The following TPM3 variants were observed in gnomAD, a reference collection of about 807,000 sequenced individuals.
The protein encoded by TPM3 is tropomyosin alpha-3 chain.
Under a neutral mutation model 43.1 loss-of-function variants are expected in TPM3, and 16 were observed. The ratio of observed to expected loss-of-function variants is 0.37; its 90% confidence interval spans 0.25 to 0.56. The LOEUF (loss-of-function observed/expected upper bound fraction) is 0.56, where lower values mean the gene tolerates loss of function less well. TPM3 is among the 20% of genes least tolerant of loss of function. The pLI is 0.77. For missense variants in TPM3, 176 were observed against 337.2 expected (o/e 0.52, Z 3.74); for synonymous variants, 101 against 116.9 (o/e 0.86, Z 0.88).
chr1:154,173,602 T>C (rs1212899568), intron 3 of TPM3, among the ~76,000 whole-genome samples: 1 of 149,618 alleles, frequency 6.7e-6, no homozygotes. Context: ...AGGTGGAGGT[T>C]GCGGTGAGCC....
chr1:154,166,613 C>T lies in TPM3; in HGVS notation c.*1324G>A. The T allele has an allele frequency of 1.9e-6, 2 of 1,044,136 alleles. No homozygotes were observed. Among genetic ancestry groups the T allele is most frequent in the Non-Finnish European group, 2.3e-6 (2 of 866,086 alleles). 64.7% of individuals were successfully genotyped at this position (1,044,136 alleles called of 1,614,324 possible). A position where few individuals can be genotyped will look rare whatever the true frequency, so the allele number is the denominator to read the frequency against. On this transcript the variant is annotated 3_prime_UTR_variant, in exon 10 of 10. Coordinates refer to ENST00000651641, the MANE Select transcript of TPM3 (RefSeq NM_152263.4). The stretch of plus-strand genomic sequence containing the variant: ...AAACTAAAGTACTAAGTGAACAACA[C>T]TTACGTGCTTGGATTAGTATAATTC...
At position 154,163,797 on chromosome 1, in the gene TPM3, C is replaced by G. The variant is rs1293745381; in HGVS notation, c.*4140G>C. On this transcript the variant is annotated 3_prime_UTR_variant, in exon 10 of 10. Coordinates refer to ENST00000651641, the MANE Select transcript of TPM3 (RefSeq NM_152263.4). ...TACAGGTGCCCGCAACCACGCCCAG[C>G]TAATTTTTTGTATTTTTAGTAGAGA... Among the ~76,000 whole-genome samples the G allele has an allele frequency of 1.3e-5, 2 of 152,106 alleles. No homozygotes were observed. The highest frequency in any genetic ancestry group is 2.9e-5 in the Non-Finnish European group (2 of 68,020).
Position 154,176,303 on chromosome 1 carries a change from A to C in TPM3, c.244-55T>G. 3 of 1,613,322 alleles carry C rather than the reference A, an allele frequency of 1.9e-6. No homozygotes were observed. The Admixed American group carries it at 5.0e-5, about 27-fold the overall frequency. ...AAGCAGAGGCATGGAGAAAAGAAGAAATAACTATGACATTAAGATCAGGGT... is the reference window on the plus strand; with the variant it reads ...AAGCAGAGGCATGGAGAAAAGAAGACATAACTATGACATTAAGATCAGGGT... On this transcript the variant is annotated intron_variant, in intron 2 of 9. Transcript: ENST00000651641.
chr1:154,190,812 C>G (rs1663647438), intron 2 of TPM3, among the ~76,000 whole-genome samples: 1 of 152,136 alleles, frequency 6.6e-6, no homozygotes, highest in African/African-American at 2.4e-5. Context: ...TATCCACATG[C>G]CAAGACTTGG....
intron 2 of TPM3, among the ~76,000 whole-genome samples, chr1:154,181,151 A>T (rs2148275709): frequency 6.6e-6 from 1 of 152,316 alleles, no homozygotes; most frequent in African/African-American, 2.4e-5. Context: ...GATAATAAGA[A>T]GTTGTTGGCA....
intron 2 of TPM3, among the ~76,000 whole-genome samples, chr1:154,176,482 C>T (rs1036538292): frequency 1.3e-5 from 2 of 151,936 alleles, no homozygotes; most frequent in African/African-American, 4.8e-5. Context: ...TTTTAAAACT[C>T]AGTTCCTTGC....
At chr1:154,169,024 C>T (rs571166322) in intron 9 of TPM3, among the ~76,000 whole-genome samples, 2 of 151,836 alleles carry the variant, frequency 1.3e-5, no homozygotes, top group African/African-American at 4.8e-5. Flanking sequence ...TTAGTAGAGA[C>T]GGGGTTTCAC....
At chr1:154,155,631 G>A (rs1470842925), downstream of TPM3, 30 of 233,628 alleles carry the variant, frequency 1.3e-4, no homozygotes, top group East Asian at 1.8e-3. Flanking sequence ...ACTCTTGAGA[G>A]CACTTGTTGT....
downstream of TPM3, among the ~76,000 whole-genome samples, chr1:154,160,267 G>A (rs764138350): frequency 1.3e-5 from 2 of 152,016 alleles, no homozygotes; most frequent in South Asian, 2.1e-4. Flanking sequence ...TTTACAGCCC[G>A]TTTCAAAATG....
chr1:154,173,036 T>C (rs759708999), intron 4 of TPM3, 48 bp downstream of exon 4: 13 of 1,613,770 alleles, frequency 8.1e-6, no homozygotes, highest in South Asian at 2.2e-5. Flanking sequence ...TACCGCATTA[T>C]GCTTTGTAAA....
chr1:154,182,900 A>T, intron 2 of TPM3: 1 of 1,594,818 alleles, frequency 6.3e-7, no homozygotes, highest in East Asian at 2.2e-5. Context: ...CCTTCAGAGG[A>T]CCGTGCTCCA....
chr1:154,169,396 A>C lies in TPM3; in HGVS notation c.776-13T>G. On this transcript the variant is annotated splice_polypyrimidine_tract_variant and intron_variant, in intron 8 of 9. Coordinates refer to ENST00000651641, the MANE Select transcript of TPM3 (RefSeq NM_152263.4). The stretch of plus-strand genomic sequence containing the variant: ...GCATAGAGCTCATCTGGACAGGCAC[A>C]GGAACCACAGGGAGGAATGAGGGGA... 3 of 1,614,082 alleles carry C rather than the reference A, an allele frequency of 1.9e-6. No homozygotes were observed. Among genetic ancestry groups the C allele is most frequent in the Non-Finnish European group, 2.5e-6 (3 of 1,179,912 alleles).
In TPM3 at chr1:154,173,266, G is replaced by T. The variant is rs566077120; in HGVS notation, c.378-65C>A. On this transcript the variant is annotated intron_variant, in intron 3 of 9. Transcript: ENST00000651641. ...GAGTGTGTCGTCAGCTCCACTCCAA[G>T]GGTCTCAGAACTGTACTTTTAAAAG... 6 of 1,365,782 alleles carry T rather than the reference G, an allele frequency of 4.4e-6. No homozygotes were observed. In the East Asian group the frequency reaches 1.1e-4, roughly 26 times the overall value. The allele number at this position is 1,365,782 out of a possible 1,614,324, so 84.6% of individuals were successfully genotyped here.
intron 2 of TPM3, among the ~76,000 whole-genome samples, chr1:154,180,934 A>G (rs963576677): frequency 2.6e-5 from 4 of 151,608 alleles, no homozygotes; most frequent in Non-Finnish European, 5.9e-5. Flanking sequence ...AAAAAAAAAA[A>G]GAGGGGGGAT....
chr1:154,168,324 A>T (rs1661205885), intron 9 of TPM3, among the ~76,000 whole-genome samples: 1 of 152,162 alleles, frequency 6.6e-6, no homozygotes, highest in East Asian at 1.9e-4. Context: ...TTTTGTCTTA[A>T]TGTGTCAGGG....
rs1430442783 is a variant in TPM3, at chr1:154,166,727, G to T, written c.*1210C>A. 1 of 981,396 alleles carries T rather than the reference G, an allele frequency of 1.0e-6. No homozygotes were observed. The highest frequency in any genetic ancestry group is 1.2e-6 in the Non-Finnish European group (1 of 827,336). 60.8% of individuals were successfully genotyped at this position (981,396 alleles called of 1,614,324 possible). On this transcript the variant is annotated 3_prime_UTR_variant, in exon 10 of 10. Coordinates refer to ENST00000651641, the MANE Select transcript of TPM3 (RefSeq NM_152263.4). The stretch of plus-strand genomic sequence containing the variant: ...GAGATGGAGTCTCTCTGTTGCCCAG[G>T]CTGGAATGCAGTGGCGCGATCTCCG...
chr1:154,158,911 C>T, downstream of TPM3: 1 of 776,360 alleles, frequency 1.3e-6, no homozygotes, highest in Non-Finnish European at 2.4e-6. Context: ...TTGTTGGGGT[C>T]CAGGTCAGTG....
rs1367162868 is a variant in TPM3 at position 154,163,501 on chromosome 1, C to T, written c.*4436G>A. 6.6e-6 allele frequency among the ~76,000 whole-genome samples: 1 copy of T among 152,150 alleles called. No individual in the cohort carries two copies. The highest frequency in any genetic ancestry group is 1.5e-5 in the Non-Finnish European group (1 of 68,022). The stretch of plus-strand genomic sequence containing the variant: ...CAATGCATGTCCCATTTTCAGTTAT[C>T]TTCCTTCTTAGCCTCTCTGTTGAAA... On this transcript the variant is annotated 3_prime_UTR_variant, in exon 10 of 10. Transcript: ENST00000651641.
rs577928723 is a variant in TPM3, at chr1:154,166,125, G to T, written c.*1812C>A. 3 of 224,906 alleles carry T rather than the reference G, an allele frequency of 1.3e-5. No homozygotes were observed. Among genetic ancestry groups the T allele is most frequent in the Non-Finnish European group, 2.7e-5 (3 of 113,012 alleles). 13.9% of individuals were successfully genotyped at this position (224,906 alleles called of 1,614,324 possible). ...TGAACCTTAATCTCAAAGGCTATGCGGCAGTAAGAAATGGAATGGACAAAA... is the reference window on the plus strand; with the variant it reads ...TGAACCTTAATCTCAAAGGCTATGCTGCAGTAAGAAATGGAATGGACAAAA... On this transcript the variant is annotated 3_prime_UTR_variant, in exon 10 of 10. Transcript: ENST00000651641.
Sources: gnomAD v4.1 joint callset for allele counts (sites outside exome capture counted in the v4.1 genomes callset) on GRCh38, gnomAD v4.1.1 for gene constraint, MANE v1.5 for transcripts, NCBI Gene and HGNC (gene_info 2026-07-23, HGNC 2026-07-21) for gene names.